Variants in RYR3 observed in about 807,000 individuals in gnomAD.
RYR3 encodes ryanodine receptor 3.
In RYR3, 207 loss-of-function variants were observed where a neutral mutation model predicts 584.3. The ratio of observed to expected loss-of-function variants is 0.35; its 90% CI spans 0.32 to 0.40. RYR3 has a LOEUF of 0.40. RYR3 is among the 10% of genes least tolerant of loss of function. The pLI, the probability that RYR3 is intolerant of heterozygous loss-of-function variation, is 1.00. For missense variants in RYR3, 5,616 were observed against 6,089.2 expected, an observed-to-expected ratio of 0.92 and a Z score of 2.59; for synonymous variants, 2,416 against 2,248.5, an observed-to-expected ratio of 1.07 and a Z score of -2.11.
In RYR3 at chr15:33,473,457, T is replaced by A. The variant is rs1335066924; in HGVS notation, c.90T>A (p.His30Gln). ...EVVLQCIATI[H>Q]KEQRKFCLAA... is the part of the protein sequence containing the mutation. ...TACTCCAGTGCATCGCCACCATTCA[T>A]AAGGAGCAGAGGAAGTTCTGCCTGG... Residue 30 changes from histidine to glutamine, a missense_variant, in exon 2 of 104, where the codon CAT (histidine) becomes CAA (glutamine). Coordinates refer to ENST00000634891, the MANE Select transcript of RYR3 (RefSeq NM_001036.6). The A allele has an allele frequency of 1.9e-6, 3 of 1,613,828 alleles. No individual in the cohort carries two copies. The highest frequency in any genetic ancestry group is 2.2e-5 in the East Asian group (1 of 44,884).
chr15:33,517,904 T>TTTATTTATTA (rs1555508765), intron 3 of RYR3, among the ~76,000 whole-genome samples: 18 of 152,212 alleles, frequency 1.2e-4, no homozygotes, highest in Non-Finnish European at 1.6e-4. Flanking sequence ...AATAATAGAA[T>TTTATTTATTA]GAGACTTTAT....
chr15:33,810,530 T>C lies in RYR3; in HGVS notation c.10078T>C (p.Tyr3360His), dbSNP rs778357889. The C allele has an allele frequency of 1.9e-6, 3 of 1,613,980 alleles. No individual in the cohort carries two copies. Among genetic ancestry groups the C allele is most frequent in the Non-Finnish European group, 2.5e-6 (3 of 1,179,872 alleles). The change falls in exon 71 of 104, where the codon TAT (tyrosine) becomes CAT (histidine). Residue 3360 changes from tyrosine (Y) to histidine (H), a missense_variant. By Grantham distance (83) the Tyr-to-His change is moderately conservative. Transcript: ENST00000634891. ...GAAGACAAAGCGGCGGGGAGACTTG[T>C]ATTCCATCCAGACCTCCCTCATCGT... is the stretch of plus-strand genomic sequence containing the variant. ...RKKTKRRGDL[Y>H]SIQTSLIVAA...
chr15:33,690,258 C>T lies in RYR3; in HGVS notation c.5861-5960C>T, dbSNP rs145258661. On this transcript the variant is annotated intron_variant, in intron 38 of 103. Coordinates refer to ENST00000634891, the MANE Select transcript of RYR3 (RefSeq NM_001036.6). ...CATGCAGCCTCAGCATAATACAAGCCTGGCTCCCTCCTTGCTTAGAAGATG... is the reference window on the plus strand; with the variant it reads ...CATGCAGCCTCAGCATAATACAAGCTTGGCTCCCTCCTTGCTTAGAAGATG... 1.5e-4 allele frequency among the ~76,000 whole-genome samples: 23 copies of T among 152,324 alleles called. No individual in the cohort carries two copies. The East Asian group carries it at 3.7e-3, about 24-fold the overall frequency.
intron 89 of RYR3, among the ~76,000 whole-genome samples, chr15:33,839,951 G>T (rs947970574): frequency 6.6e-6 from 1 of 152,196 alleles, no homozygotes; most frequent in Non-Finnish European, 1.5e-5. Flanking sequence ...CTATGTGCCA[G>T]CCTGTGTTCT....
At chr15:33,824,099 G>C (rs1018057366) in intron 81 of RYR3, among the ~76,000 whole-genome samples, 9 of 152,074 alleles carry the variant, frequency 5.9e-5, no homozygotes, top group Non-Finnish European at 1.3e-4. Flanking sequence ...CCTCTCTGAA[G>C]CTAAAATAGT....
chr15:33,697,798 C>A (rs992348300), intron 39 of RYR3, 84 bp from the exon 40 acceptor site: 4 of 810,308 alleles, frequency 4.9e-6, no homozygotes, highest in Non-Finnish European at 8.7e-6. Context: ...TTTGCCCTCT[C>A]GTGTGTTTGT....
chr15:33,710,289 C>A (rs117378994), intron 43 of RYR3, among the ~76,000 whole-genome samples: 2 of 149,160 alleles, frequency 1.3e-5, no homozygotes, highest in African/African-American at 2.5e-5. Context: ...TGTCACATGG[C>A]GAAAGCAGGA....
At chr15:33,745,522 T>G (rs967312116) in intron 52 of RYR3, among the ~76,000 whole-genome samples, 4 of 152,182 alleles carry the variant, frequency 2.6e-5, no homozygotes, top group African/African-American at 9.7e-5. Flanking sequence ...TATCTCTGTA[T>G]CCACTGTGCC....
intron 2 of RYR3, among the ~76,000 whole-genome samples, chr15:33,502,063 G>A (rs1297144421): frequency 6.6e-6 from 1 of 152,172 alleles, no homozygotes; most frequent in African/African-American, 2.4e-5. Flanking sequence ...AAGTATTTAA[G>A]TAGAAAAGTA....
chr15:33,483,364 G>C (rs1352417592), intron 2 of RYR3, among the ~76,000 whole-genome samples: 1 of 151,960 alleles, frequency 6.6e-6, no homozygotes, highest in African/African-American at 2.4e-5. Flanking sequence ...TTAATATTTA[G>C]TATTTTTAAA....
At chr15:33,847,231 C>G (rs914764058) in intron 93 of RYR3, 1 of 152,178 alleles carries the variant, frequency 6.6e-6, no homozygotes, top group Non-Finnish European at 1.5e-5. Context: ...ACCTTCCTAT[C>G]GTGAGTTTTT....
chr15:33,662,006 A>C, intron 34 of RYR3, 147 bp from the exon 35 acceptor site: 1 of 629,760 alleles, frequency 1.6e-6, no homozygotes, highest in Non-Finnish European at 2.8e-6. Context: ...ACCAGAGCTG[A>C]GAGAGGCATG....
chr15:33,528,542 C>T (rs2141026666), intron 3 of RYR3, among the ~76,000 whole-genome samples: 1 of 152,288 alleles, frequency 6.6e-6, no homozygotes, highest in East Asian at 1.9e-4. Context: ...CCATTTGTAA[C>T]ATCATTTTTA....
At chr15:33,368,973 T>G (rs1292982037) in intron 1 of RYR3, among the ~76,000 whole-genome samples, 1 of 152,226 alleles carries the variant, frequency 6.6e-6, no homozygotes, top group Non-Finnish European at 1.5e-5. Context: ...AGGGAGGGCC[T>G]CAGGGAGCTC....
rs1968490588 is a variant in RYR3, at chr15:33,318,370, G to A, written c.51+7274G>A. ...GTCTTTCTCCTTGGTCTGTCTTTGG[G>A]ATAAAGCACTGTCTCAAGAAATTCC... On this transcript the variant is annotated intron_variant, in intron 1 of 103. Transcript: ENST00000634891. Among the ~76,000 whole-genome samples, 3 of 152,236 alleles carry A rather than the reference G, an allele frequency of 2.0e-5. No homozygotes were observed. In the South Asian group the frequency reaches 6.2e-4, roughly 32 times the overall value.
intron 63 of RYR3, among the ~76,000 whole-genome samples, chr15:33,773,143 T>G (rs1322346828): frequency 1.3e-5 from 2 of 152,224 alleles, no homozygotes; most frequent in Non-Finnish European, 2.9e-5. Flanking sequence ...TCATTCAAGC[T>G]TCAGATTTTC....
rs2079331096 is a variant in RYR3 at position 33,853,570 on chromosome 15, G to A, written c.13687G>A (p.Gly4563Arg). Residue 4563 changes from glycine (G) to arginine (R), a missense_variant, in exon 96 of 104, where the codon GGA (glycine) becomes AGA (arginine). Gly to Arg is a moderately radical substitution (Grantham distance 125). Around this residue, in one of 9 missense-constraint regions of RYR3, gnomAD observed 918 missense variants for 887.4 expected, o/e 1.03. Coordinates refer to ENST00000634891, the MANE Select transcript of RYR3 (RefSeq NM_001036.6). ...TTTGCTTCAGGTGATCAACAAGTAT[G>A]GAGATCTCTACGGAGCAGAACGCAT... Reference protein sequence around the residue: ...FVKRKVINKYGDLYGAERIAE... With the variant: ...FVKRKVINKYRDLYGAERIAE... 3 of 1,613,840 alleles carry A rather than the reference G, an allele frequency of 1.9e-6. No individual in the cohort carries two copies. Among genetic ancestry groups the A allele is most frequent in the Non-Finnish European group, 2.5e-6 (3 of 1,179,814 alleles).
chr15:33,716,653 A>G (rs1239372563), intron 43 of RYR3, among the ~76,000 whole-genome samples: 1 of 152,214 alleles, frequency 6.6e-6, no homozygotes, highest in East Asian at 1.9e-4. Context: ...GGGTGAAAGG[A>G]TATCAGCTAC....
At chr15:33,562,675 G>A (rs1310610951) in intron 10 of RYR3, among the ~76,000 whole-genome samples, 162 bp from the exon 11 acceptor site, 4 of 152,184 alleles carry the variant, frequency 2.6e-5, no homozygotes, top group Non-Finnish European at 5.9e-5. Flanking sequence ...AGCGATAAGG[G>A]AAACAAGTCT....
Sources: gnomAD v4.1 joint callset for allele counts (sites outside exome capture counted in the v4.1 genomes callset) on GRCh38, gnomAD v4.1.1 for gene constraint, gnomAD v4.1.1 regional missense constraint, MANE v1.5 for transcripts, NCBI Gene and HGNC (gene_info 2026-07-23, HGNC 2026-07-21) for gene names.